WDR49: variants seen among roughly 807,000 people sequenced by gnomAD.
WDR49 encodes cilia- and flagella-associated protein 337.
A neutral mutation model predicts 119.5 loss-of-function variants in WDR49; 107 were observed. The ratio of observed to expected loss-of-function variants is 0.90; its 90% CI spans 0.77 to 1.05. WDR49 has a LOEUF of 1.05. Ranked by LOEUF, WDR49 falls within the 50% of genes least tolerant of loss-of-function variation. The probability of loss-of-function intolerance (pLI) is 0.00; values close to 1 mark genes in which losing one functional copy is unlikely to be tolerated. For missense variants in WDR49, 1,240 were observed against 1,220.5 expected, an observed-to-expected ratio of 1.02 and a Z score of -0.24; for synonymous variants, 425 against 418.8, an observed-to-expected ratio of 1.01 and a Z score of -0.18.
chr3:167,656,167 A>G (rs1718597654), upstream of WDR49, among the ~76,000 whole-genome samples: 1 of 152,186 alleles, frequency 6.6e-6, no homozygotes, highest in African/African-American at 2.4e-5. Flanking sequence ...TATCACACAC[A>G]CAGAACGGGG....
intron 10 of WDR49, among the ~76,000 whole-genome samples, chr3:167,538,383 A>T (rs560834847): frequency 6.6e-6 from 1 of 152,194 alleles, no homozygotes; most frequent in East Asian, 1.9e-4. Flanking sequence ...CCCCAGTCAA[A>T]TCAAATACTT....
chr3:167,482,890 T>C (rs1380241296), intron 18 of WDR49, among the ~76,000 whole-genome samples: 1 of 152,150 alleles, frequency 6.6e-6, no homozygotes. Context: ...AAAGAAACCT[T>C]GTTTATGATA....
At chr3:167,492,845 A>G (rs1346467734) in intron 18 of WDR49, among the ~76,000 whole-genome samples, 1 of 148,122 alleles carries the variant, frequency 6.8e-6, no homozygotes, top group East Asian at 2.0e-4. Flanking sequence ...GACATCCATT[A>G]TCACCTCATA....
At chr3:167,655,426 C>G (rs1300393187), upstream of WDR49, among the ~76,000 whole-genome samples, 1 of 152,278 alleles carries the variant, frequency 6.6e-6, no homozygotes, top group East Asian at 1.9e-4. Flanking sequence ...TACATCTTCT[C>G]TAGGGTCTCT....
At chr3:167,645,679 C>A (rs929534397) in intron 2 of WDR49, among the ~76,000 whole-genome samples, 3 of 152,156 alleles carry the variant, frequency 2.0e-5, no homozygotes, top group African/African-American at 7.2e-5. Context: ...TGTTTCTCCA[C>A]CACCTTGAAG....
intron 16 of WDR49, among the ~76,000 whole-genome samples, chr3:167,512,379 G>A (rs931150205): frequency 4.6e-5 from 7 of 152,080 alleles, no homozygotes; most frequent in Non-Finnish European, 8.8e-5. Context: ...TACAGAAGAG[G>A]GGCCTTACTG....
At chr3:167,522,187 C>A in intron 16 of WDR49, 128 bp downstream of exon 16, 1 of 939,696 alleles carries the variant, frequency 1.1e-6, no homozygotes. Flanking sequence ...ACCAATCCCC[C>A]AAATTTTGGA....
intron 2 of WDR49, among the ~76,000 whole-genome samples, chr3:167,647,321 T>C (rs983084741): frequency 2.0e-5 from 3 of 152,262 alleles, no homozygotes; most frequent in South Asian, 4.1e-4. Context: ...CACACACTGA[T>C]CCAGATTAAT....
intron 16 of WDR49, among the ~76,000 whole-genome samples, chr3:167,508,067 G>C (rs879941981): frequency 3.9e-5 from 6 of 152,152 alleles, no homozygotes; most frequent in African/African-American, 1.4e-4. Flanking sequence ...AATCCTATGA[G>C]GAGGAAAGGC....
intron 15 of WDR49, among the ~76,000 whole-genome samples, chr3:167,524,557 T>C (rs999795620): frequency 6.6e-6 from 1 of 152,208 alleles, no homozygotes; most frequent in Non-Finnish European, 1.5e-5. Context: ...TTTAAGTCTT[T>C]AATCCATTTT....
At chr3:167,586,386 T>C (rs1044596887) in intron 7 of WDR49, among the ~76,000 whole-genome samples, 2 of 152,070 alleles carry the variant, frequency 1.3e-5, no homozygotes, top group Admixed American at 1.3e-4. Context: ...AGTTTAGGAG[T>C]TCAAAGCAAA....
intron 2 of WDR49, among the ~76,000 whole-genome samples, chr3:167,641,027 C>T (rs1334011583): frequency 6.6e-6 from 1 of 151,894 alleles, no homozygotes; most frequent in Non-Finnish European, 1.5e-5. Context: ...TCCTGAATAA[C>T]TACATAAGGA....
intron 7 of WDR49, among the ~76,000 whole-genome samples, chr3:167,589,480 A>G (rs866726477): frequency 6.6e-6 from 1 of 152,072 alleles, no homozygotes; most frequent in Non-Finnish European, 1.5e-5. Flanking sequence ...GAAGAATGTC[A>G]TTGGTATTTT....
At chr3:167,484,180 T>C (rs1305464429) in intron 18 of WDR49, among the ~76,000 whole-genome samples, 1 of 152,120 alleles carries the variant, frequency 6.6e-6, no homozygotes, top group Non-Finnish European at 1.5e-5. Context: ...TTTGAAGGGA[T>C]TTTGCAAATG....
chr3:167,600,243 C>T (rs1414038088), intron 7 of WDR49, among the ~76,000 whole-genome samples: 1 of 152,048 alleles, frequency 6.6e-6, no homozygotes, highest in Non-Finnish European at 1.5e-5. Context: ...TTTAGCTGCC[C>T]TGGCTGGTGT....
At position 167,532,882 on chromosome 3, in the gene WDR49, AT is replaced by A. The variant is rs1255646119; in HGVS notation, c.2049del (p.Lys683AsnfsTer2). 2 of 1,608,394 alleles carry A rather than the reference AT, an allele frequency of 1.2e-6. No individual in the cohort carries two copies. The highest frequency in any genetic ancestry group is 4.5e-5 in the East Asian group (2 of 44,690). On this transcript the variant is annotated frameshift_variant, in exon 12 of 19. Coordinates refer to ENST00000682715, the MANE Select transcript of WDR49 (RefSeq NM_001366157.1). LOFTEE classifies it high-confidence loss of function. ...TTCGTTTCAAACTCACACTTACCTA[AT>A]TTTGACTTTAGCAACCTCTGGTAAT... is the stretch of plus-strand genomic sequence containing the variant. ...HPDYQRLLKS[K>X]LDTKPQKLLS...
At chr3:167,614,695 T>C (rs1716512349) in intron 5 of WDR49, among the ~76,000 whole-genome samples, 3 of 152,234 alleles carry the variant, frequency 2.0e-5, no homozygotes, top group Admixed American at 2.0e-4. Flanking sequence ...TGTCTGAAAC[T>C]GAGTTTTTCC....
chr3:167,553,249 C>G lies in WDR49; in HGVS notation c.1823+1401G>C, dbSNP rs535713908. Among the ~76,000 whole-genome samples, 5 of 152,092 alleles carry G rather than the reference C, an allele frequency of 3.3e-5. No homozygotes were observed. In the South Asian group the frequency reaches 1.0e-3, roughly 32 times the overall value. ...GCTAAGGTATCCAAGTCCTGACAAC[C>G]TTGAGGATAACGGAAAACATGAAGG... On this transcript the variant is annotated intron_variant, in intron 10 of 18. Coordinates refer to ENST00000682715, the MANE Select transcript of WDR49 (RefSeq NM_001366157.1).
At chr3:167,653,231 A>C (rs1182640822) in intron 2 of WDR49, 30 bp downstream of exon 2, 2 of 1,535,750 alleles carry the variant, frequency 1.3e-6, no homozygotes, top group Non-Finnish European at 1.7e-6. Flanking sequence ...GAACAACTCA[A>C]ACTATCTGGT....
Sources: gnomAD v4.1 joint callset for allele counts (sites outside exome capture counted in the v4.1 genomes callset) on GRCh38, gnomAD v4.1.1 for gene constraint, MANE v1.5 for transcripts, NCBI Gene and HGNC (gene_info 2026-07-23, HGNC 2026-07-21) for gene names.